Variants in ANAPC11 observed in about 807,000 individuals in gnomAD.
The protein encoded by ANAPC11 is anaphase-promoting complex subunit 11.
A neutral mutation model predicts 11.8 loss-of-function variants in ANAPC11; 5 were observed. That is an observed-to-expected ratio of 0.42 (90% CI 0.22 to 0.89). The LOEUF is 0.89. ANAPC11 is among the 40% of genes least tolerant of loss of function. The pLI is 0.28. For missense variants in ANAPC11, 68 were observed against 112.9 expected (o/e 0.60, Z 1.80); for synonymous variants, 45 against 41.0 (o/e 1.10, Z -0.38).
At chr17:81,899,105 C>G in intron 3 of ANAPC11, 1 of 970,490 alleles carries the variant, frequency 1.0e-6, no homozygotes, top group Middle Eastern at 3.3e-4. Context: ...CCAGGCCGAC[C>G]CTGCCGTGGG....
chr17:81,900,234 T>C lies in ANAPC11; in HGVS notation c.*169T>C, dbSNP rs2039897081. On this transcript the variant is annotated 3_prime_UTR_variant, in exon 4 of 4. Coordinates refer to ENST00000344877, the MANE Select transcript of ANAPC11 (RefSeq NM_001002248.3). Reference sequence around the variant, plus strand: ...ACACTTTTATCCAATAAGTGAAAACTCATTAAACTACTCAAATCTTGCTGG... The same window carrying C: ...ACACTTTTATCCAATAAGTGAAAACCCATTAAACTACTCAAATCTTGCTGG... 1 of 1,075,668 alleles carries C rather than the reference T, an allele frequency of 9.3e-7. No homozygotes were observed. Among genetic ancestry groups the C allele is most frequent in the Admixed American group, 2.7e-5 (1 of 36,842 alleles). The allele number at this position is 1,075,668 out of a possible 1,614,324, so 66.6% of individuals were successfully genotyped here.
Position 81,894,514 on chromosome 17 carries a change from A to T in ANAPC11, c.37A>T (p.Thr13Ser). Residue 13 changes from threonine (T) to serine (S), a missense_variant, in exon 3 of 4, where the codon ACT becomes TCT. Coordinates refer to ENST00000344877, the MANE Select transcript of ANAPC11 (RefSeq NM_001002248.3). ...VKIKCWNGVA[T>S]WLWVANDENC... Reference sequence around the variant, plus strand: ...GATTAAGTGCTGGAACGGCGTGGCCACTTGGCTCTGGGTGGCCAACGATGA... The same window carrying T: ...GATTAAGTGCTGGAACGGCGTGGCCTCTTGGCTCTGGGTGGCCAACGATGA... 1.2e-6 allele frequency: 2 copies of T among 1,613,148 alleles called. No homozygotes were observed. Among genetic ancestry groups the T allele is most frequent in the Non-Finnish European group, 1.7e-6 (2 of 1,179,416 alleles).
At chr17:81,895,237 T>C (rs2039698313) in intron 3 of ANAPC11, among the ~76,000 whole-genome samples, 1 of 152,012 alleles carries the variant, frequency 6.6e-6, no homozygotes, top group Non-Finnish European at 1.5e-5. Context: ...TATTTTTTAG[T>C]AGAGACAGGC....
At chr17:81,891,613 G>C, upstream of ANAPC11, 1 of 1,364,630 alleles carries the variant, frequency 7.3e-7, no homozygotes, top group Non-Finnish European at 9.5e-7. Flanking sequence ...ACGCCGGCAC[G>C]TCACTTCCGG....
chr17:81,897,609 T>C (rs2143565285), intron 3 of ANAPC11, among the ~76,000 whole-genome samples: 1 of 152,268 alleles, frequency 6.6e-6, no homozygotes, highest in South Asian at 2.1e-4. Flanking sequence ...CTCAAGTAGC[T>C]GGGACCACAG....
chr17:81,890,851 TGTGA>T, upstream of ANAPC11: 1 of 1,613,812 alleles, frequency 6.2e-7, no homozygotes. Context: ...AGAGCAGATC[TGTGA>T]GTCTCAGTCC....
In ANAPC11 at chr17:81,899,951, G is replaced by A; in HGVS notation, c.141G>A (p.Val47=). The change falls in exon 4 of 4, where the codon GTG becomes GTA. Residue 47 remains valine (V), a synonymous_variant. Transcript: ENST00000344877. The part of the protein sequence containing the change: ...CKVPGDDCPL[V]WGQCSHCFHM... ...TGCCCGGCGACGACTGCCCGCTGGT[G>A]TGGGGCCAGTGCTCCCACTGCTTCC... 6.2e-7 allele frequency: 1 copy of A among 1,611,702 alleles called. No homozygotes were observed.
downstream of ANAPC11, chr17:81,900,346 G>A: frequency 2.0e-6 from 1 of 500,026 alleles, no homozygotes; most frequent in South Asian, 2.3e-5. Context: ...ACATCTCCGT[G>A]AAACGCCAAG....
intron 3 of ANAPC11, among the ~76,000 whole-genome samples, chr17:81,895,586 G>A (rs1287607875): frequency 6.6e-6 from 1 of 151,908 alleles, no homozygotes; most frequent in South Asian, 2.1e-4. Context: ...CGAGGCGGGC[G>A]GATCACAAGG....
At chr17:81,899,536 C>A in intron 3 of ANAPC11, 1 of 1,612,648 alleles carries the variant, frequency 6.2e-7, no homozygotes, top group Non-Finnish European at 8.5e-7. Flanking sequence ...GGGCCCAGGG[C>A]CTGTAGGTCA....
At chr17:81,899,120 G>C in intron 3 of ANAPC11, 1 of 1,083,156 alleles carries the variant, frequency 9.2e-7, no homozygotes, top group East Asian at 2.6e-5. Flanking sequence ...CGTGGGGCTG[G>C]GGCTGGGACT....
chr17:81,891,253 G>A (rs2039522161), upstream of ANAPC11: 1 of 1,043,280 alleles, frequency 9.6e-7, no homozygotes, highest in East Asian at 8.0e-5. Context: ...GGTCTCCGCC[G>A]CGAGCGGCCC....
At chr17:81,898,274 G>C (rs1363348594) in intron 3 of ANAPC11, 2 of 152,290 alleles carry the variant, frequency 1.3e-5, no homozygotes, top group African/African-American at 4.8e-5. Context: ...GATGTGGGTG[G>C]TGAATCCTGT....
At chr17:81,896,765 G>C (rs1025225662) in intron 3 of ANAPC11, among the ~76,000 whole-genome samples, 2 of 134,392 alleles carry the variant, frequency 1.5e-5, no homozygotes, top group Non-Finnish European at 3.1e-5. Context: ...AGCCTCCCAA[G>C]TAGCATACCA....
intron 2 of ANAPC11, chr17:81,894,246 C>CAA (rs887967905): frequency 1.9e-4 from 50 of 269,146 alleles, no homozygotes; most frequent in African/African-American, 1.9e-4. Context: ...GACTCTGTCT[C>CAA]AAAAAAAAAA....
chr17:81,895,050 CTT>C (rs766422017), intron 3 of ANAPC11, among the ~76,000 whole-genome samples: 25 of 85,058 alleles, frequency 2.9e-4, no homozygotes, highest in African/African-American at 9.2e-4. Context: ...TCTTTCTTTT[CTT>C]TTTTTTTTTT....
Position 81,894,459 on chromosome 17 carries a change from C to T in ANAPC11, c.-11-8C>T, listed in dbSNP as rs1398948910. 35 of 1,577,392 alleles carry T rather than the reference C, an allele frequency of 2.2e-5. No individual in the cohort carries two copies. The highest frequency in any genetic ancestry group is 5.0e-5 in the Admixed American group (3 of 59,554). On this transcript the variant is annotated splice_region_variant and splice_polypyrimidine_tract_variant and intron_variant, in intron 2 of 3. Transcript: ENST00000344877. ...ATTTAGCCAGTCGTCCTGTTCCCTC[C>T]GCCGCAGGCTCTGCTGCCATGAAGG...
intron 1 of ANAPC11, chr17:81,893,078 G>T (rs907264443): frequency 1.6e-4 from 24 of 150,300 alleles, no homozygotes; most frequent in African/African-American, 5.2e-4. Flanking sequence ...GTGCGATCTC[G>T]GCTCACTGCA....
At position 81,900,245 on chromosome 17, in the gene ANAPC11, C is replaced by T. The variant is rs2039897521; in HGVS notation, c.*180C>T. 1.0e-6 allele frequency: 1 copy of T among 998,510 alleles called. No homozygotes were observed. The highest frequency in any genetic ancestry group is 1.4e-6 in the Non-Finnish European group (1 of 695,488). 61.9% of individuals were successfully genotyped at this position (998,510 alleles called of 1,614,324 possible). ...CAATAAGTGAAAACTCATTAAACTA[C>T]TCAAATCTTGCTGGAGGCCTCTGGG... On this transcript the variant is annotated 3_prime_UTR_variant, in exon 4 of 4. Transcript: ENST00000344877.
Sources: allele counts gnomAD v4.1 joint callset (sites outside exome capture counted in the v4.1 genomes callset), GRCh38; gene constraint gnomAD v4.1.1; transcripts MANE v1.5; gene names NCBI Gene and HGNC (gene_info 2026-07-23, HGNC 2026-07-21).